The following STS variants were observed in gnomAD, a reference collection of about 807,000 sequenced individuals.
The protein encoded by STS is steryl-sulfatase.
A neutral mutation model predicts 26.8 loss-of-function variants in STS; 7 were observed. The observed-to-expected ratio is 0.26, with a 90% CI of 0.15 to 0.49. The LOEUF (loss-of-function observed/expected upper bound fraction) is 0.49. Ranked by LOEUF, STS falls within the 20% of genes least tolerant of loss-of-function variation. STS has a pLI of 0.98. For missense variants in STS, 434 were observed against 465.6 expected, an observed-to-expected ratio of 0.93 and a Z score of 0.63; for synonymous variants, 199 against 189.4, an observed-to-expected ratio of 1.05 and a Z score of -0.42.
intron 10 of STS, among the ~76,000 whole-genome samples, chrX:7,349,145 C>CTTTT (rs200409187): frequency 1.2e-5 from 1 of 80,605 alleles, no homozygotes; most frequent in Non-Finnish European, 2.4e-5. Context: ...CCACACCCAG[C>CTTTT]TTTTTTTTTT....
chrX:7,205,227 T>C (rs1052143879), intron 2 of STS, among the ~76,000 whole-genome samples: 10 of 112,710 alleles, frequency 8.9e-5, no homozygotes, highest in Non-Finnish European at 1.9e-4. Flanking sequence ...AGAGGGGCTT[T>C]CCCTGCCTAC....
chrX:7,312,629 T>C (rs1926534941), intron 8 of STS, among the ~76,000 whole-genome samples: 1 of 111,212 alleles, frequency 9.0e-6, no homozygotes, highest in South Asian at 3.9e-4. Flanking sequence ...ATAAGTCTCA[T>C]GAGATCTGAT....
intron 1 of STS, among the ~76,000 whole-genome samples, chrX:7,165,995 T>G (rs1163424544): frequency 9.2e-6 from 1 of 108,549 alleles, no homozygotes; most frequent in African/African-American, 3.4e-5. Context: ...TTTCTCTCTG[T>G]CGCTGTCTTT....
intron 1 of STS, among the ~76,000 whole-genome samples, chrX:7,162,193 T>G (rs777500707): frequency 1.8e-5 from 2 of 111,511 alleles, no homozygotes; most frequent in East Asian, 5.6e-4. Context: ...AATTAACCCC[T>G]GTCAAACTTG....
chrX:7,337,186 A>G (rs1928074099), intron 10 of STS, among the ~76,000 whole-genome samples: 2 of 112,069 alleles, frequency 1.8e-5, no homozygotes, highest in South Asian at 3.7e-4. Context: ...GCTTTTGTGT[A>G]TGGCTTCATG....
intron 9 of STS, among the ~76,000 whole-genome samples, chrX:7,332,770 C>G (rs1396353635): frequency 1.8e-5 from 2 of 111,878 alleles, no homozygotes; most frequent in East Asian, 5.6e-4. Flanking sequence ...TTTCAGGGCA[C>G]ACGCTGTGTC....
rs140662670 is a variant in STS at position 7,288,827 on chromosome X, G to A, written c.943+12740G>A. On this transcript the variant is annotated intron_variant, in intron 7 of 10. Coordinates refer to ENST00000674429, the MANE Select transcript of STS (RefSeq NM_001320752.2). ...GTTATACTTTGTCTTCAGGTGGTAG[G>A]AATCCAGTTAGGATCTTTTCTGCAA... Among the ~76,000 whole-genome samples the A allele has an allele frequency of 7.6e-3, 843 of 111,304 alleles. 5 individuals are homozygous for A. The highest frequency in any genetic ancestry group is 0.012 in the Non-Finnish European group (646 of 53,000).
At chrX:7,175,608 A>G (rs1933555731) in intron 1 of STS, among the ~76,000 whole-genome samples, 1 of 112,464 alleles carries the variant, frequency 8.9e-6, no homozygotes, top group African/African-American at 3.2e-5. Flanking sequence ...TGCAGAATGA[A>G]GATAACACCC....
chrX:7,310,684 G>T (rs534439067), intron 8 of STS, among the ~76,000 whole-genome samples: 1 of 111,662 alleles, frequency 9.0e-6, no homozygotes, highest in Admixed American at 9.5e-5. Flanking sequence ...CTTCTCACCT[G>T]ATCCACCTCT....
chrX:7,234,304 A>G (rs1922212365), intron 2 of STS, among the ~76,000 whole-genome samples: 1 of 112,197 alleles, frequency 8.9e-6, no homozygotes, highest in African/African-American at 3.2e-5. Flanking sequence ...TTTCTCCACT[A>G]CTGGTCCTCA....
At chrX:7,227,925 A>C (rs1156246537) in intron 2 of STS, among the ~76,000 whole-genome samples, 2 of 111,160 alleles carry the variant, frequency 1.8e-5, no homozygotes, top group African/African-American at 6.5e-5. Context: ...GGTCGTATGA[A>C]TTTAGCTACT....
intron 9 of STS, among the ~76,000 whole-genome samples, chrX:7,327,140 C>T (rs1266840725): frequency 1.8e-5 from 2 of 111,412 alleles, no homozygotes; most frequent in African/African-American, 6.5e-5. Flanking sequence ...GCTAATACAT[C>T]GATGATGTCA....
intron 1 of STS, among the ~76,000 whole-genome samples, chrX:7,167,869 G>A (rs1395482439): frequency 1.0e-4 from 11 of 107,934 alleles, no homozygotes; most frequent in Non-Finnish European, 1.7e-4. Context: ...TTTTTTTTAA[G>A]TTTTTGTAGA....
At chrX:7,266,644 TTTAA>T (rs1383607550) in intron 6 of STS, among the ~76,000 whole-genome samples, 3 of 112,260 alleles carry the variant, frequency 2.7e-5, no homozygotes, top group African/African-American at 9.7e-5. Flanking sequence ...CTGAATGCAC[TTTAA>T]TTAGCCAGAA....
intron 1 of STS, among the ~76,000 whole-genome samples, chrX:7,177,481 T>A (rs1726218): frequency 0.38 from 39,478 of 104,223 alleles, 6,085 homozygotes; most frequent in African/African-American, 0.53. Flanking sequence ...ATATATATAT[T>A]TTTTTTTGGA....
chrX:7,225,366 A>G (rs1262105711), intron 2 of STS, among the ~76,000 whole-genome samples: 1 of 111,448 alleles, frequency 9.0e-6, no homozygotes, highest in East Asian at 2.8e-4. Context: ...TTCAGCAAAA[A>G]AATTCAGAAC....
At chrX:7,253,405 G>T in intron 3 of STS, 69 bp downstream of exon 3, 1 of 1,180,972 alleles carries the variant, frequency 8.5e-7, no homozygotes, top group Non-Finnish European at 1.2e-6. Flanking sequence ...GATGGTTATT[G>T]TTGATCTACA....
chrX:7,220,509 A>G (rs756718455), intron 2 of STS, among the ~76,000 whole-genome samples: 1 of 107,714 alleles, frequency 9.3e-6, no homozygotes, highest in East Asian at 2.9e-4. Context: ...TCTGGGTGAA[A>G]TGTTACCGAT....
chrX:7,205,824 C>G (rs2083857192), intron 2 of STS, among the ~76,000 whole-genome samples: 1 of 108,948 alleles, frequency 9.2e-6, no homozygotes, highest in African/African-American at 3.4e-5. Flanking sequence ...CTATATTGCC[C>G]AGTCTGGTCT....
Sources: gnomAD v4.1 joint callset for allele counts (sites outside exome capture counted in the v4.1 genomes callset) on GRCh38, gnomAD v4.1.1 for gene constraint, MANE v1.5 for transcripts, NCBI Gene and HGNC (gene_info 2026-07-23, HGNC 2026-07-21) for gene names.